Variants in PAPOLA observed in about 807,000 individuals in gnomAD.
PAPOLA encodes the protein polynucleotide adenylyltransferase alpha.
In PAPOLA, 15 loss-of-function variants were observed where a neutral mutation model predicts 100.6. The observed-to-expected ratio is 0.15, with a 90% confidence interval of 0.10 to 0.23. The LOEUF is 0.23. Ranked by LOEUF, PAPOLA falls within the 10% of genes least tolerant of loss-of-function variation. The pLI, the probability that PAPOLA is intolerant of heterozygous loss-of-function variation, is 1.00. For synonymous variants in PAPOLA, 293 were observed against 300.0 expected, an observed-to-expected ratio of 0.98 and a Z score of 0.24; for missense variants, 533 against 884.2, an observed-to-expected ratio of 0.60 and a Z score of 5.04.
intron 6 of PAPOLA, among the ~76,000 whole-genome samples, chr14:96,530,118 C>G (rs1258680740): frequency 6.6e-6 from 1 of 152,116 alleles, no homozygotes; most frequent in East Asian, 1.9e-4. Context: ...AATGAGATCT[C>G]CCCTTATTGA....
chr14:96,545,840 G>C (rs1281811079), intron 15 of PAPOLA, among the ~76,000 whole-genome samples: 3 of 151,962 alleles, frequency 2.0e-5, no homozygotes, highest in East Asian at 3.9e-4. Flanking sequence ...ATTTTTTCCT[G>C]AAGTAAAAAT....
chr14:96,555,783 G>A (rs1050301575), intron 17 of PAPOLA, 64 bp from the exon 18 acceptor site: 8 of 809,696 alleles, frequency 9.9e-6, no homozygotes, highest in East Asian at 2.8e-5. Context: ...ATAGATTATT[G>A]TAATTTTTTT....
At chr14:96,527,580 A>G (rs1307792346) in intron 5 of PAPOLA, 41 bp downstream of exon 5, 3 of 1,045,044 alleles carry the variant, frequency 2.9e-6, no homozygotes, top group Middle Eastern at 2.2e-4. Flanking sequence ...AGTTATGAAC[A>G]TTCATTTAGT....
intron 16 of PAPOLA, among the ~76,000 whole-genome samples, chr14:96,549,304 C>T (rs142465495): frequency 5.9e-4 from 89 of 151,010 alleles, no homozygotes; most frequent in African/African-American, 2.1e-3. Flanking sequence ...GCTGGAGTGC[C>T]GTGGCACAAT....
intron 1 of PAPOLA, among the ~76,000 whole-genome samples, chr14:96,507,095 A>G (rs1447586591): frequency 1.3e-5 from 2 of 152,124 alleles, no homozygotes; most frequent in African/African-American, 2.4e-5. Flanking sequence ...ACAAAAAGAA[A>G]CAGTTATAAT....
chr14:96,531,728 A>G (rs1285754540), intron 7 of PAPOLA, 142 bp downstream of exon 7: 18 of 1,499,546 alleles, frequency 1.2e-5, no homozygotes, highest in Non-Finnish European at 1.5e-5. Context: ...TGCCTAATAA[A>G]CTACAGAAGA....
intron 17 of PAPOLA, among the ~76,000 whole-genome samples, chr14:96,555,077 T>C (rs1335654744): frequency 6.6e-6 from 1 of 152,042 alleles, no homozygotes; most frequent in African/African-American, 2.4e-5. Context: ...AGTAAGATAT[T>C]GAAATAATCC....
chr14:96,507,280 G>GTTTTTTTTTTTTTTTTTTTT (rs71103533), intron 1 of PAPOLA, among the ~76,000 whole-genome samples: 28 of 80,702 alleles, frequency 3.5e-4, no homozygotes, highest in African/African-American at 1.0e-3. Context: ...TTGGAAAATA[G>GTTTTTTTTTTTTTTTTTTTT]TTTTTTTTTT....
Position 96,525,806 on chromosome 14 carries a change from A to G in PAPOLA, c.331+415A>G, listed in dbSNP as rs530431028. 2.0e-5 allele frequency among the ~76,000 whole-genome samples: 3 copies of G among 152,306 alleles called. No individual in the cohort carries two copies. In the East Asian group the frequency reaches 5.8e-4, roughly 29 times the overall value. On this transcript the variant is annotated intron_variant, in intron 4 of 21. Transcript: ENST00000216277. ...TCAGAGTTTCAGTAGAGGTAGCCAC[A>G]TTTTATCTGTTCAGTAGCCACATAT...
At chr14:96,554,008 A>G (rs1328415609) in intron 17 of PAPOLA, among the ~76,000 whole-genome samples, 2 of 152,236 alleles carry the variant, frequency 1.3e-5, no homozygotes, top group Non-Finnish European at 2.9e-5. Flanking sequence ...TATCATTTTA[A>G]AAGTTTTTTT....
rs137859064 is a variant in PAPOLA at position 96,520,634 on chromosome 14, A to G, written c.183-372A>G. Among the ~76,000 whole-genome samples, 23 of 152,284 alleles carry G rather than the reference A, an allele frequency of 1.5e-4. No individual in the cohort carries two copies. In the East Asian group the frequency reaches 4.2e-3, roughly 28 times the overall value. Reference sequence around the variant, plus strand: ...CTTGGTCTCCCAAAGTGTTGGGATTACAGGCGTGAGCCACCGTACCTGGCT... The same window carrying G: ...CTTGGTCTCCCAAAGTGTTGGGATTGCAGGCGTGAGCCACCGTACCTGGCT... On this transcript the variant is annotated intron_variant, in intron 2 of 21. Transcript: ENST00000216277.
chr14:96,521,557 A>G (rs1039910793), intron 3 of PAPOLA, among the ~76,000 whole-genome samples: 2 of 151,862 alleles, frequency 1.3e-5, no homozygotes, highest in Non-Finnish European at 2.9e-5. Context: ...TGACACCATT[A>G]TAGTGCACTG....
intron 19 of PAPOLA, among the ~76,000 whole-genome samples, chr14:96,559,337 G>A (rs1406785652): frequency 6.6e-6 from 1 of 151,592 alleles, no homozygotes; most frequent in Non-Finnish European, 1.5e-5. Flanking sequence ...ATGAGTACTT[G>A]GTATTAGAAA....
chr14:96,520,947 T>G (rs893188486), intron 2 of PAPOLA, 59 bp from the exon 3 acceptor site: 3 of 845,630 alleles, frequency 3.5e-6, no homozygotes, highest in Non-Finnish European at 6.1e-6. Context: ...ATTTAAAACT[T>G]TAAGAAATTT....
intron 6 of PAPOLA, among the ~76,000 whole-genome samples, chr14:96,529,540 T>G (rs10467873): frequency 0.21 from 31,285 of 150,798 alleles, 3,328 homozygotes; most frequent in African/African-American, 0.27. Context: ...GGCCAACACG[T>G]TGAAACCCTG....
intron 1 of PAPOLA, 97 bp from the exon 2 acceptor site, chr14:96,519,957 TA>T (rs1407985855): frequency 1.9e-6 from 2 of 1,040,654 alleles, no homozygotes; most frequent in Admixed American, 4.9e-5. Context: ...CAATCATGTT[TA>T]GAAATGTGTG....
intron 7 of PAPOLA, 25 bp from the exon 8 acceptor site, chr14:96,532,306 G>GT (rs562581383): frequency 4.4e-4 from 554 of 1,248,460 alleles, no homozygotes; most frequent in Non-Finnish European, 5.1e-4. Context: ...GTGTGTGTGT[G>GT]TTTTTTTTTA....
rs182450577 is a variant in PAPOLA, at chr14:96,567,004, G to A, written c.*1954G>A. 1 of 152,534 alleles carries A rather than the reference G, an allele frequency of 6.6e-6. No homozygotes were observed. The highest frequency in any genetic ancestry group is 6.5e-5 in the Admixed American group (1 of 15,270). The allele number at this position is 152,534 out of a possible 1,614,324, so 9.4% of individuals were successfully genotyped here. A position where few individuals can be genotyped will look rare whatever the true frequency, so the allele number is the denominator to read the frequency against. ...ATGTATGTAGTGTCTCATGACTGGA[G>A]TTTGCTTTGTTTTATAGTATCTGTA... On this transcript the variant is annotated 3_prime_UTR_variant, in exon 22 of 22. Transcript: ENST00000216277.
intron 7 of PAPOLA, 95 bp from the exon 8 acceptor site, chr14:96,532,236 A>G (rs945287681): frequency 6.9e-7 from 1 of 1,443,636 alleles, no homozygotes; most frequent in African/African-American, 1.4e-5. Flanking sequence ...AAGCATTACC[A>G]TTAAACTTTT....
Sources: gnomAD v4.1 joint callset for allele counts (sites outside exome capture counted in the v4.1 genomes callset) on GRCh38, gnomAD v4.1.1 for gene constraint, MANE v1.5 for transcripts, NCBI Gene and HGNC (gene_info 2026-07-23, HGNC 2026-07-21) for gene names.